The following CIB3 variants were observed in gnomAD, a reference collection of about 807,000 sequenced individuals.
CIB3 encodes the protein calcium and integrin binding family member 3.
Under a neutral mutation model 23.4 loss-of-function variants are expected in CIB3, and 22 were observed. The ratio of observed to expected loss-of-function variants is 0.94; its 90% CI spans 0.67 to 1.34. CIB3 has a LOEUF of 1.34. CIB3 is among the 40% of genes most tolerant of loss of function. The pLI is 0.00. For synonymous variants in CIB3, 93 were observed against 95.8 expected, an observed-to-expected ratio of 0.97 and a Z score of 0.17; for missense variants, 258 against 247.3, an observed-to-expected ratio of 1.04 and a Z score of -0.29.
intron 2 of CIB3, among the ~76,000 whole-genome samples, chr19:16,170,993 C>G (rs1332031779): frequency 1.3e-5 from 2 of 151,780 alleles, no homozygotes; most frequent in African/African-American, 4.8e-5. Context: ...AAAAATTTAG[C>G]CAGGCGTGGT....
intron 4 of CIB3, among the ~76,000 whole-genome samples, chr19:16,165,748 C>T (rs753747849): frequency 4.6e-5 from 7 of 152,170 alleles, no homozygotes; most frequent in Middle Eastern, 3.2e-3. Context: ...CAACCTCATT[C>T]ATTCATTTTT....
intron 2 of CIB3, among the ~76,000 whole-genome samples, chr19:16,171,985 T>C (rs994064973): frequency 2.0e-5 from 3 of 152,216 alleles, no homozygotes; most frequent in African/African-American, 7.2e-5. Flanking sequence ...CGAGTGATGA[T>C]GTGGGATACT....
chr19:16,169,536 A>C, intron 3 of CIB3, 94 bp downstream of exon 3: 1 of 1,126,848 alleles, frequency 8.9e-7, no homozygotes, highest in South Asian at 1.3e-5. Flanking sequence ...TCTTATCTTT[A>C]AAATGGGGAT....
chr19:16,173,231 G>A, intron 1 of CIB3, 35 bp from the exon 2 acceptor site: 2 of 1,613,872 alleles, frequency 1.2e-6, no homozygotes, highest in South Asian at 1.1e-5. Flanking sequence ...CCCGAACCCT[G>A]CCTCTGGGGC....
intron 5 of CIB3, among the ~76,000 whole-genome samples, chr19:16,164,478 T>C (rs1015304288): frequency 2.6e-5 from 4 of 152,094 alleles, no homozygotes; most frequent in Non-Finnish European, 5.9e-5. Context: ...CAACAAGGGC[T>C]GAAGTCCAGC....
At chr19:16,161,577 G>T in intron 5 of CIB3, 91 bp from the exon 6 acceptor site, 1 of 1,418,088 alleles carries the variant, frequency 7.1e-7, no homozygotes, top group Non-Finnish European at 9.9e-7. Context: ...CAAGTCCCTG[G>T]GACAGGCAGG....
chr19:16,166,526 T>G (rs1489954452), intron 4 of CIB3, among the ~76,000 whole-genome samples: 1 of 152,236 alleles, frequency 6.6e-6, no homozygotes, highest in Non-Finnish European at 1.5e-5. Flanking sequence ...ACTTTTTAAC[T>G]GCTTACTGTG....
At chr19:16,162,510 G>C (rs1011816889) in intron 5 of CIB3, among the ~76,000 whole-genome samples, 1 of 152,168 alleles carries the variant, frequency 6.6e-6, no homozygotes, top group African/African-American at 2.4e-5. Context: ...CCAGCACTTT[G>C]GGAGGCCAAG....
chr19:16,173,461 C>T lies in CIB3; in HGVS notation c.15G>A (p.Gln5=). The T allele has an allele frequency of 6.2e-7, 1 of 1,614,116 alleles. No homozygotes were observed. The highest frequency in any genetic ancestry group is 8.5e-7 in the Non-Finnish European group (1 of 1,179,990). The change falls in exon 1 of 6, where the codon CAG becomes CAA. Residue 5 remains glutamine (Q), a synonymous_variant. Coordinates refer to ENST00000269878, the MANE Select transcript of CIB3 (RefSeq NM_054113.4). MGNK[Q]TVFTHEQLEA... ...CCAGCTGCTCGTGTGTGAAGACTGT[C>T]TGCTTGTTGCCCATGGTGTGAACCA...
chr19:16,161,368 T>C lies in CIB3; in HGVS notation c.*97A>G. ...TGGAAAAATGTGTCCTCCCAGCAGG[T>C]GTGACTCAGTGACTTGTGTTTATTC... is the stretch of plus-strand genomic sequence containing the variant. On this transcript the variant is annotated 3_prime_UTR_variant, in exon 6 of 6. Coordinates refer to ENST00000269878, the MANE Select transcript of CIB3 (RefSeq NM_054113.4). 8.1e-7 allele frequency: 1 copy of C among 1,233,098 alleles called. No homozygotes were observed. The highest frequency in any genetic ancestry group is 1.2e-6 in the Non-Finnish European group (1 of 833,332). 76.4% of individuals were successfully genotyped at this position (1,233,098 alleles called of 1,614,324 possible). A position where few individuals can be genotyped will look rare whatever the true frequency, so the allele number is the denominator to read the frequency against.
intron 4 of CIB3, among the ~76,000 whole-genome samples, chr19:16,165,766 T>C (rs2091303687): frequency 6.6e-6 from 1 of 152,152 alleles, no homozygotes; most frequent in African/African-American, 2.4e-5. Flanking sequence ...TTTACAAGCA[T>C]TGAGTGCCTG....
At chr19:16,169,077 C>T (rs1004688840) in intron 3 of CIB3, among the ~76,000 whole-genome samples, 2 of 152,160 alleles carry the variant, frequency 1.3e-5, no homozygotes, top group Admixed American at 6.6e-5. Flanking sequence ...ACACCCTGTA[C>T]TGAATTTGTT....
intron 2 of CIB3, 78 bp downstream of exon 2, chr19:16,173,084 A>ACACC (rs1555720747): frequency 6.0e-6 from 9 of 1,507,928 alleles, no homozygotes; most frequent in Admixed American, 1.7e-5. Context: ...ACACACACAC[A>ACACC]CCAAATTGCA....
intron 4 of CIB3, among the ~76,000 whole-genome samples, chr19:16,167,491 G>A (rs1185569899): frequency 6.6e-6 from 1 of 152,066 alleles, no homozygotes; most frequent in African/African-American, 2.4e-5. Flanking sequence ...GGGATGGGGG[G>A]ATGAATGGGG....
intron 1 of CIB3, 23 bp from the exon 2 acceptor site, chr19:16,173,219 A>C (rs777424205): frequency 6.2e-7 from 1 of 1,613,916 alleles, no homozygotes; most frequent in East Asian, 2.2e-5. Context: ...GTGTTGTCTT[A>C]ACCCGAACCC....
At chr19:16,165,443 G>T (rs577388406) in intron 4 of CIB3, among the ~76,000 whole-genome samples, 5 of 83,194 alleles carry the variant, frequency 6.0e-5, no homozygotes, top group Non-Finnish European at 1.4e-4. Flanking sequence ...TTTTTCATTC[G>T]TTCTTTTTTT....
intron 2 of CIB3, among the ~76,000 whole-genome samples, chr19:16,171,005 G>T (rs775816984): frequency 2.2e-4 from 33 of 151,870 alleles, no homozygotes; most frequent in Non-Finnish European, 4.4e-4. Context: ...AGGCGTGGTG[G>T]TGGGCGCCTG....
At chr19:16,171,512 GA>G (rs1284456995) in intron 2 of CIB3, among the ~76,000 whole-genome samples, 1 of 152,154 alleles carries the variant, frequency 6.6e-6, no homozygotes, top group Non-Finnish European at 1.5e-5. Flanking sequence ...GGGGTGGGGA[GA>G]CCTAGAACTT....
chr19:16,168,052 G>T, intron 4 of CIB3, 85 bp downstream of exon 4: 1 of 1,502,522 alleles, frequency 6.7e-7, no homozygotes, highest in East Asian at 2.4e-5. Flanking sequence ...CCCCTGGGGA[G>T]ATATTTGTGA....
Sources: allele counts gnomAD v4.1 joint callset (sites outside exome capture counted in the v4.1 genomes callset), GRCh38; gene constraint gnomAD v4.1.1; transcripts MANE v1.5; gene names NCBI Gene and HGNC (gene_info 2026-07-23, HGNC 2026-07-21).